The following KCNQ2 variants were observed in gnomAD, a reference collection of about 807,000 sequenced individuals.
KCNQ2 encodes potassium voltage-gated channel subfamily KQT member 2.
In KCNQ2, 14 loss-of-function variants were observed where a neutral mutation model predicts 84.8. The observed-to-expected ratio is 0.17, with a 90% confidence interval of 0.11 to 0.26. The LOEUF (loss-of-function observed/expected upper bound fraction) is 0.26. Among genes scored for constraint, KCNQ2 ranks in the 10% least tolerant of loss-of-function variants. The pLI, the probability that KCNQ2 is intolerant of heterozygous loss-of-function variation, is 1.00. For missense variants in KCNQ2, 788 were observed against 1,254.0 expected (o/e 0.63, Z 5.61); for synonymous variants, 599 against 554.1 (o/e 1.08, Z -1.14).
intron 8 of KCNQ2, chr20:63,433,336 G>A (rs942020827): frequency 4.5e-6 from 1 of 222,416 alleles, no homozygotes; most frequent in Non-Finnish European, 8.8e-6. Context: ...TTCCTGGTCT[G>A]AAAGTCTCAC....
chr20:63,401,026 C>T lies in KCNQ2; in HGVS notation c.*5618G>A, dbSNP rs1454987005. 6 of 396,342 alleles carry T rather than the reference C, an allele frequency of 1.5e-5. No homozygotes were observed. Among genetic ancestry groups the T allele is most frequent in the Admixed American group, 4.4e-5 (1 of 22,674 alleles). 24.6% of individuals were successfully genotyped at this position (396,342 alleles called of 1,614,324 possible). A position where few individuals can be genotyped will look rare whatever the true frequency, so the allele number is the denominator to read the frequency against. On this transcript the variant is annotated 3_prime_UTR_variant, in exon 17 of 17. Coordinates refer to ENST00000359125, the MANE Select transcript of KCNQ2 (RefSeq NM_172107.4). Reference sequence around the variant, plus strand: ...TGTGCACGTGCCTGCCTGGTAGCCCCGGGGACCGGCCCCTCCTTGCTGGCG... The same window carrying T: ...TGTGCACGTGCCTGCCTGGTAGCCCTGGGGACCGGCCCCTCCTTGCTGGCG...
intron 1 of KCNQ2, among the ~76,000 whole-genome samples, chr20:63,461,934 G>GC (rs2081964569): frequency 5.6e-5 from 6 of 107,010 alleles, no homozygotes; most frequent in African/African-American, 8.2e-5. Flanking sequence ...CTACCCCAGG[G>GC]AGCAGGGAGG....
In KCNQ2 at chr20:63,407,259, C is replaced by T. The variant is rs771807099; in HGVS notation, c.2004G>A (p.Pro668=). The change falls in exon 17 of 17, where the codon CCG becomes CCA. Residue 668 remains proline (P), a synonymous_variant. Transcript: ENST00000359125. This position sits in a 1 kb window ranked among gnomAD's most constrained non-coding sequence, Gnocchi z 7.2. ...YFGAKEPEPA[P]PYHSPEDSRE... ...GGCTGTCTTCCGGGCTGTGGTACGG[C>T]GGCGCCGGCTCCGGCTCTTTGGCCC... The T allele has an allele frequency of 1.6e-5, 25 of 1,598,272 alleles. No homozygotes were observed. The highest frequency in any genetic ancestry group is 1.1e-4 in the African/African-American group (8 of 74,898).
chr20:63,442,718 A>T (rs1600769436), intron 4 of KCNQ2, among the ~76,000 whole-genome samples, 187 bp from the exon 5 acceptor site: 1 of 94,542 alleles, frequency 1.1e-5, no homozygotes, highest in Admixed American at 9.8e-5. Flanking sequence ...CACCACCACC[A>T]CCACCATCAT....
chr20:63,443,880 T>C (rs968426983), intron 4 of KCNQ2: 1 of 152,192 alleles, frequency 6.6e-6, no homozygotes, highest in Non-Finnish European at 1.5e-5. Context: ...CCAGGGTCAG[T>C]AGCGTCTATT....
intron 9 of KCNQ2, 35 bp downstream of exon 9, chr20:63,431,305 C>A: frequency 1.2e-6 from 2 of 1,612,866 alleles, no homozygotes; most frequent in Non-Finnish European, 1.7e-6. Context: ...TAGAACCACA[C>A]ACACACACAG....
chr20:63,424,260 G>A (rs1314983019), intron 10 of KCNQ2, 54 bp from the exon 11 acceptor site: 3 of 1,546,706 alleles, frequency 1.9e-6, no homozygotes, highest in African/African-American at 2.7e-5. Context: ...ACCCATGAGG[G>A]TCCCCCAACC....
Position 63,408,470 on chromosome 20 carries a change from C to T in KCNQ2, c.1830G>A (p.Glu610=). ...TDKDRTKGPA[E]AELPEDPSMM... ...TGCTGGGGTCCTCGGGCAGCTCCGC[C>T]TCGGCCGGGCCCTTGGTGCGGTCCT... The change falls in exon 16 of 17, where the codon GAG becomes GAA. Residue 610 remains glutamate (E), a synonymous_variant. Transcript: ENST00000359125. The surrounding 1 kb of genome is among the most constrained non-coding windows in gnomAD (Gnocchi z 5.0). The T allele has an allele frequency of 2.5e-6, 4 of 1,607,872 alleles. No homozygotes were observed. The highest frequency in any genetic ancestry group is 3.4e-6 in the Non-Finnish European group (4 of 1,178,222).
chr20:63,411,906 G>A, intron 15 of KCNQ2: 2 of 713,374 alleles, frequency 2.8e-6, no homozygotes, highest in South Asian at 3.0e-5. Context: ...CAAGAAAAGA[G>A]ACACCGGCGA....
intron 4 of KCNQ2, among the ~76,000 whole-genome samples, chr20:63,442,903 C>T (rs1600771911): frequency 2.4e-5 from 2 of 84,016 alleles, no homozygotes; most frequent in Non-Finnish European, 5.2e-5. Flanking sequence ...CCACCATCAC[C>T]ACCACCATCA....
At chr20:63,455,003 C>T (rs574961652) in intron 1 of KCNQ2, among the ~76,000 whole-genome samples, 2 of 152,318 alleles carry the variant, frequency 1.3e-5, no homozygotes, top group African/African-American at 4.8e-5. Flanking sequence ...GCTGAGGTCT[C>T]GCTGGCTCGG....
At chr20:63,462,448 C>T (rs1250341960) in intron 1 of KCNQ2, among the ~76,000 whole-genome samples, 1 of 152,126 alleles carries the variant, frequency 6.6e-6, no homozygotes, top group African/African-American at 2.4e-5. Context: ...CCCCAAGGAA[C>T]AGGGCATCTG....
intron 2 of KCNQ2, 94 bp from the exon 3 acceptor site, chr20:63,445,458 C>CCAA (rs2081384941): frequency 6.8e-7 from 1 of 1,467,722 alleles, no homozygotes; most frequent in Admixed American, 1.9e-5. Flanking sequence ...GGCCCAGGGA[C>CCAA]CAAGCCACAG....
intron 8 of KCNQ2, among the ~76,000 whole-genome samples, chr20:63,433,093 T>G (rs369367888): frequency 1.3e-5 from 2 of 152,182 alleles, no homozygotes; most frequent in East Asian, 3.9e-4. Flanking sequence ...ATCTCAGACC[T>G]TAATTTAAGC....
At chr20:63,430,168 G>T (rs1194817492) in intron 9 of KCNQ2, among the ~76,000 whole-genome samples, 1 of 152,244 alleles carries the variant, frequency 6.6e-6, no homozygotes, top group Admixed American at 6.5e-5. Flanking sequence ...CAGCGCCAGG[G>T]CAGACAGGCG....
At chr20:63,432,973 C>T (rs2080874140) in intron 8 of KCNQ2, among the ~76,000 whole-genome samples, 1 of 152,190 alleles carries the variant, frequency 6.6e-6, no homozygotes, top group African/African-American at 2.4e-5. Context: ...AGTCCCGGGG[C>T]TCAGTTCCCC....
rs545236920 is a variant in KCNQ2 at position 63,423,873 on chromosome 20, G to A, written c.1247+304C>T. Reference sequence around the variant, plus strand: ...GCACTAACAGAGACCCCCTGCCTCCGAGAACCCTGGGGCCAGACTTGTGGG... The same window carrying A: ...GCACTAACAGAGACCCCCTGCCTCCAAGAACCCTGGGGCCAGACTTGTGGG... On this transcript the variant is annotated intron_variant, in intron 11 of 16. Transcript: ENST00000359125. 2.2e-3 allele frequency: 1,093 copies of A among 505,014 alleles called. 7 individuals carry two copies. Among genetic ancestry groups the A allele is most frequent in the Non-Finnish European group, 3.1e-4 (87 of 279,354 alleles). The allele number at this position is 505,014 out of a possible 1,614,324, so 31.3% of individuals were successfully genotyped here.
rs370994090 is a variant in KCNQ2 at position 63,433,969 on chromosome 20, G to C, written c.1024-66C>G. 2.2e-5 allele frequency: 32 copies of C among 1,435,872 alleles called. No homozygotes were observed. In the East Asian group the frequency reaches 3.0e-4, roughly 13 times the overall value. The allele number at this position is 1,435,872 out of a possible 1,614,324, so 88.9% of individuals were successfully genotyped here. On this transcript the variant is annotated intron_variant, in intron 7 of 16. Coordinates refer to ENST00000359125, the MANE Select transcript of KCNQ2 (RefSeq NM_172107.4). ...GCGAGGGGCGCGCCCAGGAGGGCCG[G>C]GCGTGGAGGGAACGGGGCAGAGGGG...
At chr20:63,431,308 A>T in intron 9 of KCNQ2, 32 bp downstream of exon 9, 1 of 1,613,080 alleles carries the variant, frequency 6.2e-7, no homozygotes. Context: ...AACCACACAC[A>T]CACACAGGGC....
Sources: gnomAD v4.1 joint callset for allele counts (sites outside exome capture counted in the v4.1 genomes callset) on GRCh38, gnomAD v4.1.1 for gene constraint, Gnocchi (gnomAD v3.1) non-coding constraint, MANE v1.5 for transcripts, NCBI Gene and HGNC (gene_info 2026-07-23, HGNC 2026-07-21) for gene names.